GLCE: variants seen among roughly 807,000 people sequenced by gnomAD.
GLCE encodes the protein glucuronic acid epimerase.
A neutral mutation model predicts 47.9 loss-of-function variants in GLCE; 19 were observed. The observed-to-expected ratio is 0.40, with a 90% CI of 0.28 to 0.58. The LOEUF (loss-of-function observed/expected upper bound fraction) is 0.58, where lower values mean the gene tolerates loss of function less well. Ranked by LOEUF, GLCE falls within the 20% of genes least tolerant of loss-of-function variation. GLCE has a pLI of 0.48. For missense variants in GLCE, 556 were observed against 743.3 expected, an observed-to-expected ratio of 0.75 and a Z score of 2.93; for synonymous variants, 245 against 263.4, an observed-to-expected ratio of 0.93 and a Z score of 0.68.
intron 2 of GLCE, among the ~76,000 whole-genome samples, chr15:69,240,675 T>G (rs1335525774): frequency 1.3e-5 from 2 of 152,026 alleles, no homozygotes; most frequent in African/African-American, 4.8e-5. Context: ...AGGCAGTATA[T>G]AGATTAAACT....
chr15:69,166,788 C>T (rs1371114827), intron 1 of GLCE, among the ~76,000 whole-genome samples: 19 of 147,800 alleles, frequency 1.3e-4, no homozygotes, highest in Admixed American at 6.7e-5. Flanking sequence ...GGCGTGGTGG[C>T]ACACGCCTGT....
chr15:69,220,408 C>T (rs2052363631), intron 2 of GLCE, among the ~76,000 whole-genome samples: 1 of 152,068 alleles, frequency 6.6e-6, no homozygotes, highest in Non-Finnish European at 1.5e-5. Context: ...ACATTCTCAT[C>T]AACACTGCAC....
At chr15:69,176,394 T>C (rs1292507189) in intron 1 of GLCE, among the ~76,000 whole-genome samples, 3 of 151,686 alleles carry the variant, frequency 2.0e-5, no homozygotes, top group Non-Finnish European at 4.4e-5. Context: ...TGGCTAATTT[T>C]TGTATTTTTA....
intron 2 of GLCE, among the ~76,000 whole-genome samples, chr15:69,226,252 A>G (rs1162045284): frequency 6.6e-6 from 1 of 152,236 alleles, no homozygotes; most frequent in Non-Finnish European, 1.5e-5. Flanking sequence ...ACTCTATTTC[A>G]TAAGTAATAA....
In GLCE at chr15:69,256,312, A is replaced by G; in HGVS notation, c.506A>G (p.His169Arg). The G allele has an allele frequency of 6.2e-7, 1 of 1,613,912 alleles. No individual in the cohort carries two copies. Among genetic ancestry groups the G allele is most frequent in the Non-Finnish European group, 8.5e-7 (1 of 1,179,962 alleles). Residue 169 changes from histidine to arginine, a missense_variant, in exon 3 of 5, where the codon CAC becomes CGC. Coordinates refer to ENST00000261858, the MANE Select transcript of GLCE (RefSeq NM_015554.3). ...GTCTATGCACAGAGAGCCCCCTATC[A>G]CCCCGATGGTGTGTTTATGTCTTTT... is the stretch of plus-strand genomic sequence containing the variant. ...SKVYAQRAPYHPDGVFMSFEG... is the reference protein window; with the variant it reads ...SKVYAQRAPYRPDGVFMSFEG...
chr15:69,228,409 T>C (rs1399242118), intron 2 of GLCE, among the ~76,000 whole-genome samples: 2 of 152,222 alleles, frequency 1.3e-5, no homozygotes, highest in Non-Finnish European at 2.9e-5. Context: ...GAAGTACTGA[T>C]TTGTATTAGA....
intron 2 of GLCE, among the ~76,000 whole-genome samples, chr15:69,211,266 G>A (rs886303779): frequency 6.6e-6 from 1 of 151,978 alleles, no homozygotes; most frequent in African/African-American, 2.4e-5. Flanking sequence ...ATATGATAAA[G>A]GTCAAGCTTG....
intron 2 of GLCE, among the ~76,000 whole-genome samples, chr15:69,226,825 A>C (rs925639307): frequency 7.7e-6 from 1 of 130,464 alleles, no homozygotes; most frequent in Non-Finnish European, 1.5e-5. Flanking sequence ...GCTCACTGCA[A>C]CCTCCGCCTC....
intron 1 of GLCE, among the ~76,000 whole-genome samples, chr15:69,178,368 C>T (rs1262024557): frequency 6.6e-6 from 1 of 152,034 alleles, no homozygotes; most frequent in East Asian, 1.9e-4. Flanking sequence ...ATTTAAACCT[C>T]TAGAGTCAGT....
At chr15:69,190,514 C>T (rs1385143710) in intron 1 of GLCE, among the ~76,000 whole-genome samples, 1 of 152,054 alleles carries the variant, frequency 6.6e-6, no homozygotes, top group Non-Finnish European at 1.5e-5. Flanking sequence ...CATCCCTTTA[C>T]TCATTGTGAA....
chr15:69,231,247 G>C (rs1595769695), intron 2 of GLCE, among the ~76,000 whole-genome samples: 1 of 151,766 alleles, frequency 6.6e-6, no homozygotes, highest in Non-Finnish European at 1.5e-5. Context: ...TGAGCAGCCA[G>C]AGATTTTGCC....
intron 2 of GLCE, among the ~76,000 whole-genome samples, chr15:69,234,927 A>G (rs933726859): frequency 3.3e-5 from 5 of 152,082 alleles, no homozygotes; most frequent in Admixed American, 6.6e-5. Context: ...AACTTTTATG[A>G]GATAATAAAA....
At chr15:69,219,879 C>T (rs1275023166) in intron 2 of GLCE, among the ~76,000 whole-genome samples, 2 of 152,020 alleles carry the variant, frequency 1.3e-5, no homozygotes, top group Non-Finnish European at 2.9e-5. Context: ...AGTAACTCCC[C>T]AGTTTTCCCT....
intron 2 of GLCE, among the ~76,000 whole-genome samples, chr15:69,213,861 T>C (rs760658288): frequency 6.6e-6 from 1 of 152,162 alleles, no homozygotes; most frequent in Admixed American, 6.6e-5. Context: ...TTTATTTACT[T>C]AATCATTTAC....
intron 1 of GLCE, among the ~76,000 whole-genome samples, chr15:69,174,410 GACCA>G (rs10596288): frequency 0.51 from 77,277 of 151,458 alleles, 23,227 homozygotes; most frequent in Non-Finnish European, 0.65. Flanking sequence ...AGGAGTTTGA[GACCA>G]ACCTGGCCTA....
At chr15:69,258,376 C>G (rs2052963170) in intron 3 of GLCE, among the ~76,000 whole-genome samples, 1 of 152,080 alleles carries the variant, frequency 6.6e-6, no homozygotes, top group African/African-American at 2.4e-5. Context: ...AAAAAAAATT[C>G]AGATCATACT....
chr15:69,244,089 G>A (rs1349288121), intron 2 of GLCE, among the ~76,000 whole-genome samples: 1 of 152,156 alleles, frequency 6.6e-6, no homozygotes, highest in African/African-American at 2.4e-5. Flanking sequence ...TTGCTTCAAC[G>A]AGCTATACCA....
At chr15:69,192,375 A>AT (rs575080841) in intron 1 of GLCE, among the ~76,000 whole-genome samples, 1 of 151,598 alleles carries the variant, frequency 6.6e-6, no homozygotes, top group Non-Finnish European at 1.5e-5. Flanking sequence ...TATTTCAAGT[A>AT]TTTTTTTATA....
At chr15:69,203,741 A>G (rs2052109343) in intron 1 of GLCE, among the ~76,000 whole-genome samples, 1 of 152,150 alleles carries the variant, frequency 6.6e-6, no homozygotes, top group African/African-American at 2.4e-5. Context: ...ACTGTTCCTT[A>G]TAGAGGCTTT....
Sources: allele counts gnomAD v4.1 joint callset (sites outside exome capture counted in the v4.1 genomes callset), GRCh38; gene constraint gnomAD v4.1.1; transcripts MANE v1.5; gene names NCBI Gene and HGNC (gene_info 2026-07-23, HGNC 2026-07-21).